REEP3: variants seen among roughly 807,000 people sequenced by gnomAD.
REEP3 encodes receptor accessory protein 3, also known as receptor expression-enhancing protein 3.
Under a neutral mutation model 41.3 loss-of-function variants are expected in REEP3, and 20 were observed. The ratio of observed to expected loss-of-function variants is 0.48; its 90% CI spans 0.34 to 0.70. The LOEUF (loss-of-function observed/expected upper bound fraction) is 0.70, where lower values mean the gene tolerates loss of function less well. Ranked by LOEUF, REEP3 falls within the 30% of genes least tolerant of loss-of-function variation. The pLI is 0.01. For synonymous variants in REEP3, 104 were observed against 101.8 expected, an observed-to-expected ratio of 1.02 and a Z score of -0.13; for missense variants, 271 against 308.8, an observed-to-expected ratio of 0.88 and a Z score of 0.92.
chr10:63,523,186 G>A (rs1342608206), intron 1 of REEP3, among the ~76,000 whole-genome samples: 3 of 152,192 alleles, frequency 2.0e-5, no homozygotes, highest in African/African-American at 7.2e-5. Flanking sequence ...TTGATCATGG[G>A]AATTGACAGT....
chr10:63,544,264 C>A (rs1388785207), intron 1 of REEP3, among the ~76,000 whole-genome samples: 2 of 152,018 alleles, frequency 1.3e-5, no homozygotes, highest in Non-Finnish European at 2.9e-5. Context: ...ACCTGCATAG[C>A]CTATGAGGGG....
At chr10:63,521,864 C>A (rs576174952) in intron 1 of REEP3, 1 of 170,262 alleles carries the variant, frequency 5.9e-6, no homozygotes, top group South Asian at 1.8e-4. Flanking sequence ...CGCCCCTGCT[C>A]CGGCGGCGCT....
intron 2 of REEP3, among the ~76,000 whole-genome samples, chr10:63,573,838 T>C (rs1308832561): frequency 2.0e-5 from 3 of 152,224 alleles, no homozygotes; most frequent in African/African-American, 7.2e-5. Flanking sequence ...TGATAAAAAG[T>C]ATTCATTTCA....
chr10:63,571,279 T>C (rs2133379995), intron 2 of REEP3, among the ~76,000 whole-genome samples: 1 of 152,358 alleles, frequency 6.6e-6, no homozygotes, highest in South Asian at 2.1e-4. Flanking sequence ...AAACAAATTA[T>C]CACACTCTTA....
At chr10:63,612,549 G>T (rs1422493877) in intron 6 of REEP3, among the ~76,000 whole-genome samples, 1 of 152,112 alleles carries the variant, frequency 6.6e-6, no homozygotes, top group East Asian at 1.9e-4. Flanking sequence ...CCAGAACTTT[G>T]GGAGGCCGAG....
chr10:63,567,479 GT>G (rs1955811046), intron 2 of REEP3, among the ~76,000 whole-genome samples: 1 of 152,016 alleles, frequency 6.6e-6, no homozygotes, highest in East Asian at 1.9e-4. Flanking sequence ...TGTTTTTAAG[GT>G]TCATACGTAT....
Position 63,620,880 on chromosome 10 carries a change from G to C in REEP3, c.*11G>C. ...CAAGTGTATTTTTAGTCATCTACAC[G>C]TCAAATATCCCAAGACAGATTATGC... is the stretch of plus-strand genomic sequence containing the variant. On this transcript the variant is annotated 3_prime_UTR_variant, in exon 8 of 8. Coordinates refer to ENST00000373758, the MANE Select transcript of REEP3 (RefSeq NM_001001330.3). 6.3e-7 allele frequency: 1 copy of C among 1,582,414 alleles called. No homozygotes were observed. Among genetic ancestry groups the C allele is most frequent in the Non-Finnish European group, 8.7e-7 (1 of 1,153,992 alleles).
chr10:63,548,914 G>T (rs1955602510), intron 1 of REEP3, among the ~76,000 whole-genome samples: 1 of 151,536 alleles, frequency 6.6e-6, no homozygotes, highest in South Asian at 2.1e-4. Flanking sequence ...TTACATGTAA[G>T]TTCTCAGAAC....
chr10:63,546,886 G>C (rs891249007), intron 1 of REEP3, among the ~76,000 whole-genome samples: 1 of 151,418 alleles, frequency 6.6e-6, no homozygotes, highest in Non-Finnish European at 1.5e-5. Flanking sequence ...AAATAAAACA[G>C]TAAAGCTTCT....
rs1273685441 is a variant in REEP3 at position 63,521,423 on chromosome 10, G to A, written c.-123G>A. ...CGCACACACCGGGCCCGGCTCCTGA[G>A]GGCGCCAGCGCGGCCCCGGGGAGCG... On this transcript the variant is annotated 5_prime_UTR_variant, in exon 1 of 8. Coordinates refer to ENST00000373758, the MANE Select transcript of REEP3 (RefSeq NM_001001330.3). 8.3e-6 allele frequency: 3 copies of A among 361,414 alleles called. No individual in the cohort carries two copies. Among genetic ancestry groups the A allele is most frequent in the African/African-American group, 2.2e-5 (1 of 45,068 alleles). The allele number at this position is 361,414 out of a possible 1,614,324, so 22.4% of individuals were successfully genotyped here.
rs760661615 is a variant in REEP3 at position 63,593,261 on chromosome 10, A to G, written c.106-1517A>G. Among the ~76,000 whole-genome samples the G allele has an allele frequency of 7.0e-3, 1,069 of 152,364 alleles. 5 individuals carry two copies. Among genetic ancestry groups the G allele is most frequent in the Non-Finnish European group, 9.8e-3 (670 of 68,042 alleles). ...TAATAGGTCAATTTCCCAGTTATAT[A>G]TAAGGACCTAAATTTTTTTGTCACT... On this transcript the variant is annotated intron_variant, in intron 2 of 7. Transcript: ENST00000373758.
chr10:63,573,874 G>C (rs1490304856), intron 2 of REEP3, among the ~76,000 whole-genome samples: 1 of 152,170 alleles, frequency 6.6e-6, no homozygotes, highest in Non-Finnish European at 1.5e-5. Context: ...AATTTAGAAA[G>C]TTTAAAGATT....
rs560746626 is a variant in REEP3 at position 63,563,275 on chromosome 10, A to G, written c.33-3063A>G. 2.6e-5 allele frequency among the ~76,000 whole-genome samples: 4 copies of G among 152,374 alleles called. No individual in the cohort carries two copies. In the South Asian group the frequency reaches 6.2e-4, roughly 24 times the overall value. ...AAACAAAAGATAATAACCTACAAAA[A>G]TATTGATTAACATATAAAATAGACA... On this transcript the variant is annotated intron_variant, in intron 1 of 7. Coordinates refer to ENST00000373758, the MANE Select transcript of REEP3 (RefSeq NM_001001330.3).
chr10:63,569,789 A>C (rs777746750), intron 2 of REEP3, among the ~76,000 whole-genome samples: 6 of 152,092 alleles, frequency 3.9e-5, no homozygotes, highest in Non-Finnish European at 8.8e-5. Context: ...AAAAAATATA[A>C]AAATTAGCCG....
chr10:63,541,347 G>C (rs1002226103), intron 1 of REEP3, among the ~76,000 whole-genome samples: 1 of 152,012 alleles, frequency 6.6e-6, no homozygotes, highest in Non-Finnish European at 1.5e-5. Flanking sequence ...GGAGGATAGG[G>C]GTGTGATTGA....
intron 2 of REEP3, among the ~76,000 whole-genome samples, chr10:63,586,885 A>G (rs1277798506): frequency 6.6e-6 from 1 of 152,140 alleles, no homozygotes; most frequent in African/African-American, 2.4e-5. Context: ...CAGGTACTGT[A>G]CAAGGCATTA....
intron 1 of REEP3, among the ~76,000 whole-genome samples, chr10:63,528,024 T>G (rs1042701358): frequency 1.1e-4 from 16 of 152,104 alleles, no homozygotes; most frequent in African/African-American, 3.9e-4. Flanking sequence ...TTTCTCCATG[T>G]TCCTTGACTT....
chr10:63,618,881 A>G (rs1408846407), intron 6 of REEP3, among the ~76,000 whole-genome samples: 2 of 152,258 alleles, frequency 1.3e-5, no homozygotes, highest in Non-Finnish European at 2.9e-5. Flanking sequence ...AGATGCTCTC[A>G]GACTTCCTGA....
At chr10:63,614,936 T>C (rs1405715243) in intron 6 of REEP3, among the ~76,000 whole-genome samples, 7 of 152,220 alleles carry the variant, frequency 4.6e-5, no homozygotes, top group African/African-American at 1.7e-4. Context: ...TTTACAAGAA[T>C]GTTCATCTCG....
Sources: allele counts gnomAD v4.1 joint callset (sites outside exome capture counted in the v4.1 genomes callset), GRCh38; gene constraint gnomAD v4.1.1; transcripts MANE v1.5; gene names NCBI Gene and HGNC (gene_info 2026-07-23, HGNC 2026-07-21).